The following DSTYK variants were observed in gnomAD, a reference collection of about 807,000 sequenced individuals.
The protein encoded by DSTYK is RIP-homologous kinase.
A neutral mutation model predicts 98.7 loss-of-function variants in DSTYK; 34 were observed. The observed-to-expected ratio is 0.34, with a 90% CI of 0.26 to 0.46. DSTYK has a LOEUF of 0.46. Among genes scored for constraint, DSTYK ranks in the 20% least tolerant of loss-of-function variants. DSTYK has a pLI of 1.00. For synonymous variants in DSTYK, 462 were observed against 457.3 expected (o/e 1.01, Z -0.13); for missense variants, 962 against 1,181.7 (o/e 0.81, Z 2.73).
At chr1:205,193,793 C>T (rs1243894859) in intron 1 of DSTYK, among the ~76,000 whole-genome samples, 2 of 151,760 alleles carry the variant, frequency 1.3e-5, no homozygotes, top group South Asian at 2.1e-4. Context: ...ATCGCTTGAA[C>T]CTGGGAGGTA....
In DSTYK at chr1:205,202,818, T is replaced by A; in HGVS notation, c.265+8453A>T. 5 of 526,998 alleles carry A rather than the reference T, an allele frequency of 9.5e-6. No homozygotes were observed. The South Asian group carries it at 1.1e-4, about 11-fold the overall frequency. The allele number at this position is 526,998 out of a possible 1,614,324, so 32.6% of individuals were successfully genotyped here. On this transcript the variant is annotated intron_variant, in intron 1 of 12. Coordinates refer to ENST00000367162, the MANE Select transcript of DSTYK (RefSeq NM_015375.3). ...GAAAAGAAAGTAAATAAAGGCATAATCTGTATGAGCAGAGCCTATATTAAC... is the reference window on the plus strand; with the variant it reads ...GAAAAGAAAGTAAATAAAGGCATAAACTGTATGAGCAGAGCCTATATTAAC...
Position 205,163,760 on chromosome 1 carries a change from T to C in DSTYK, c.1520A>G (p.Asp507Gly). 6.2e-7 allele frequency: 1 copy of C among 1,614,150 alleles called. No individual in the cohort carries two copies. The highest frequency in any genetic ancestry group is 8.5e-7 in the Non-Finnish European group (1 of 1,180,000). Residue 507 changes from aspartate to glycine, a missense_variant, in exon 4 of 13, where the codon GAT becomes GGT. Around this residue, in one of 4 missense-constraint regions of DSTYK, gnomAD observed 660 missense variants for 855.0 expected, o/e 0.77. Coordinates refer to ENST00000367162, the MANE Select transcript of DSTYK (RefSeq NM_015375.3). ...RCLQSLEKSQDVSVHITSNYL... is the reference protein window; with the variant it reads ...RCLQSLEKSQGVSVHITSNYL... ...ATTACTGGTGATGTGAACTGAGACA[T>C]CCTGAGACTTCTCCAGGCTCTGCAG...
chr1:205,198,196 AAAAAAAAGAAAG>A (rs1205027704), intron 1 of DSTYK, among the ~76,000 whole-genome samples: 2 of 150,674 alleles, frequency 1.3e-5, no homozygotes, highest in Non-Finnish European at 3.0e-5. Context: ...TCCGTCTCAA[AAAAAAAAGAAAG>A]AAAGAAAGAA....
rs112862185 is a variant in DSTYK at position 205,196,007 on chromosome 1, C to T, written c.266-8201G>A. Among the ~76,000 whole-genome samples the T allele has an allele frequency of 9.2e-3, 1,399 of 152,292 alleles. 25 individuals are homozygous for T. The highest frequency in any genetic ancestry group is 0.032 in the African/African-American group (1,339 of 41,560). ...GGCTTAGTTTCTGGCATTTGGAACG[C>T]AGTGTATAACAGTTTATAAGCATTA... On this transcript the variant is annotated intron_variant, in intron 1 of 12. Transcript: ENST00000367162.
intron 2 of DSTYK, among the ~76,000 whole-genome samples, chr1:205,182,728 C>T (rs1411640482): frequency 1.3e-5 from 2 of 151,794 alleles, no homozygotes; most frequent in Non-Finnish European, 2.9e-5. Context: ...ATCGCTTGAA[C>T]CTGGGAGGCA....
intron 10 of DSTYK, among the ~76,000 whole-genome samples, chr1:205,152,429 G>A (rs1046474730): frequency 6.6e-6 from 1 of 152,114 alleles, no homozygotes; most frequent in Non-Finnish European, 1.5e-5. Context: ...AACCTGCCTC[G>A]GCCTCCCAAA....
Position 205,169,342 on chromosome 1 carries a change from C to T in DSTYK, c.1145G>A (p.Arg382Gln). 4.3e-6 allele frequency: 7 copies of T among 1,614,136 alleles called. No individual in the cohort carries two copies. The highest frequency in any genetic ancestry group is 5.1e-6 in the Non-Finnish European group (6 of 1,180,028). Residue 382 changes from arginine (R) to glutamine (Q), a missense_variant, in exon 3 of 13, where the codon CGG becomes CAG. This residue lies in a region of DSTYK where 660 missense variants were observed against 855.0 expected (regional missense o/e 0.77). Coordinates refer to ENST00000367162, the MANE Select transcript of DSTYK (RefSeq NM_015375.3). The surrounding 1 kb of genome is among the most constrained non-coding windows in gnomAD (Gnocchi z 4.0). ...ACGTTTGGGAGTGATCTGCAGGTCC[C>T]GCTGCATGTCAAATGCCTGGTTAAT... ...IFINQAFDMQRDLQITPKRLE... is the reference protein window; with the variant it reads ...IFINQAFDMQQDLQITPKRLE...
In DSTYK at chr1:205,160,260, T is replaced by A. The variant is rs147872876; in HGVS notation, c.1959A>T (p.Lys653Asn). The change falls in exon 8 of 13, where the codon AAA (lysine) becomes AAT (asparagine). Residue 653 changes from lysine (K) to asparagine (N), a missense_variant. Physicochemically the swap from Lys to Asn is moderately conservative, Grantham distance 94. This residue lies in a region of DSTYK where 660 missense variants were observed against 855.0 expected (regional missense o/e 0.77). Coordinates refer to ENST00000367162, the MANE Select transcript of DSTYK (RefSeq NM_015375.3). ...GGCCCCGGCCCAGTTCCTGTCCCAG[T>A]TTAGGTTTACCTATAAGGTACAGAG... The part of the protein sequence containing the change: ...LQDVLLHRKP[K>N]LGQELGRGQY... The A allele has an allele frequency of 2.5e-6, 4 of 1,613,854 alleles. No individual in the cohort carries two copies. In the African/African-American group the frequency reaches 5.3e-5, roughly 22 times the overall value.
intron 2 of DSTYK, 58 bp downstream of exon 2, chr1:205,187,360 A>C (rs908329372): frequency 1.1e-5 from 17 of 1,514,338 alleles, no homozygotes; most frequent in Non-Finnish European, 1.5e-5. Context: ...AGAAAGTCAA[A>C]ATAAAAGGAA....
At chr1:205,186,637 C>G (rs73083116) in intron 2 of DSTYK, among the ~76,000 whole-genome samples, 3,039 of 152,324 alleles carry the variant, frequency 0.02, 100 homozygotes, top group African/African-American at 0.068. Context: ...ACTCCTGACC[C>G]TGCCATAGTC....
intron 2 of DSTYK, among the ~76,000 whole-genome samples, chr1:205,176,931 A>C (rs924545674): frequency 6.6e-6 from 1 of 152,108 alleles, no homozygotes; most frequent in African/African-American, 2.4e-5. Context: ...GTGGCCTGGC[A>C]CAGTGTCTCA....
At chr1:205,187,345 T>C in intron 2 of DSTYK, 73 bp downstream of exon 2, 7 of 1,490,656 alleles carry the variant, frequency 4.7e-6, no homozygotes, top group Admixed American at 4.5e-5. Context: ...TCGAATTACT[T>C]TTTTAGAAAG....
intron 1 of DSTYK, among the ~76,000 whole-genome samples, chr1:205,210,974 C>T (rs536369292): frequency 6.6e-6 from 1 of 152,340 alleles, no homozygotes; most frequent in South Asian, 2.1e-4. Context: ...CGAACGCCGG[C>T]CCGCCCCAGG....
intron 8 of DSTYK, 44 bp downstream of exon 8, chr1:205,160,069 CT>C (rs751138683): frequency 2.7e-5 from 44 of 1,608,878 alleles, no homozygotes; most frequent in Non-Finnish European, 3.6e-5. Flanking sequence ...GTTCTAGATT[CT>C]TCTCTGGATC....
intron 1 of DSTYK, among the ~76,000 whole-genome samples, chr1:205,198,056 G>A (rs1558624762): frequency 6.6e-6 from 1 of 152,168 alleles, no homozygotes; most frequent in Non-Finnish European, 1.5e-5. Flanking sequence ...AGCTGGGCGT[G>A]GTGGCACATG....
At chr1:205,166,815 C>T (rs951862238) in intron 3 of DSTYK, among the ~76,000 whole-genome samples, 2 of 152,172 alleles carry the variant, frequency 1.3e-5, no homozygotes, top group Non-Finnish European at 1.5e-5. Context: ...CTAAAGTCAA[C>T]CATACTTCCT....
intron 1 of DSTYK, 142 bp downstream of exon 1, chr1:205,211,129 A>C: frequency 7.9e-7 from 1 of 1,271,242 alleles, no homozygotes; most frequent in Non-Finnish European, 1.0e-6. Context: ...CGGCCGGCCC[A>C]TGCCCGGGGA....
chr1:205,187,679 C>G lies in DSTYK; in HGVS notation c.393G>C (p.Leu131=). The G allele has an allele frequency of 6.2e-7, 1 of 1,614,216 alleles. No individual in the cohort carries two copies. The highest frequency in any genetic ancestry group is 8.5e-7 in the Non-Finnish European group (1 of 1,180,036). The part of the protein sequence containing the change: ...CNVKCQLLNL[L]LGVQVLPTTK... ...TGGTGGGAAGCACCTGCACCCCCAA[C>G]AGCAGATTCAACAGCTGGCACTTGA... is the stretch of plus-strand genomic sequence containing the variant. Residue 131 remains leucine (L), a synonymous_variant, in exon 2 of 13, where the codon CTG becomes CTC. Transcript: ENST00000367162.
chr1:205,169,255 C>A lies in DSTYK; in HGVS notation c.1232G>T (p.Arg411Leu). The A allele has an allele frequency of 3.1e-6, 5 of 1,614,120 alleles. No homozygotes were observed. Among genetic ancestry groups the A allele is most frequent in the Non-Finnish European group, 4.2e-6 (5 of 1,180,002 alleles). Residue 411 changes from arginine to leucine, a missense_variant, in exon 3 of 13, where the codon CGA becomes CTA. This residue lies in a region of DSTYK where 660 missense variants were observed against 855.0 expected (regional missense o/e 0.77). Coordinates refer to ENST00000367162, the MANE Select transcript of DSTYK (RefSeq NM_015375.3). The surrounding 1 kb of genome is among the most constrained non-coding windows in gnomAD (Gnocchi z 4.0). ...LYESLMNIANRKQEEMKDMIV... is the reference protein window; with the variant it reads ...LYESLMNIANLKQEEMKDMIV... ...CATATCCTTCATTTCCTCCTGCTTT[C>A]GGTTGGCAATATTCATCAATGATTC...
Sources: gnomAD v4.1 joint callset for allele counts (sites outside exome capture counted in the v4.1 genomes callset) on GRCh38, gnomAD v4.1.1 for gene constraint, gnomAD v4.1.1 regional missense constraint, Gnocchi (gnomAD v3.1) non-coding constraint, MANE v1.5 for transcripts, NCBI Gene and HGNC (gene_info 2026-07-23, HGNC 2026-07-21) for gene names.